RASAL2: variants seen among roughly 807,000 people sequenced by gnomAD.
RASAL2 encodes ras GTPase-activating protein nGAP.
In RASAL2, 58 loss-of-function variants were observed where a neutral mutation model predicts 128.9. The observed-to-expected ratio is 0.45, with a 90% CI of 0.36 to 0.56. The LOEUF (loss-of-function observed/expected upper bound fraction) is 0.56, where lower values mean the gene tolerates loss of function less well. RASAL2 is among the 20% of genes least tolerant of loss of function. The pLI is 0.00. For synonymous variants in RASAL2, 561 were observed against 580.8 expected, an observed-to-expected ratio of 0.97 and a Z score of 0.49; for missense variants, 1,360 against 1,601.6, an observed-to-expected ratio of 0.85 and a Z score of 2.57.
chr1:178,161,254 C>T (rs1571564351), intron 1 of RASAL2, among the ~76,000 whole-genome samples: 1 of 152,186 alleles, frequency 6.6e-6, no homozygotes, highest in East Asian at 1.9e-4. Flanking sequence ...TGAAGGGAAA[C>T]CCCTTATGCA....
At chr1:178,371,502 A>G (rs916320637) in intron 3 of RASAL2, among the ~76,000 whole-genome samples, 7 of 152,056 alleles carry the variant, frequency 4.6e-5, no homozygotes, top group Non-Finnish European at 8.8e-5. Context: ...TGCTGTTGGC[A>G]GTCAGTTACA....
intron 4 of RASAL2, among the ~76,000 whole-genome samples, chr1:178,418,482 C>G (rs1246261731): frequency 6.6e-6 from 1 of 152,110 alleles, no homozygotes; most frequent in African/African-American, 2.4e-5. Context: ...GAAAAACAGC[C>G]TAGGGTATTA....
intron 4 of RASAL2, among the ~76,000 whole-genome samples, chr1:178,400,142 A>G (rs554957464): frequency 6.6e-6 from 1 of 152,314 alleles, no homozygotes; most frequent in East Asian, 1.9e-4. Context: ...GTGTTACAGG[A>G]TGATAAAACC....
chr1:178,390,208 T>C lies in RASAL2; in HGVS notation c.564+2T>C. On this transcript the variant is annotated splice_donor_variant, in intron 4 of 17. Transcript: ENST00000367649. LOFTEE classifies it high-confidence loss of function. Reference sequence around the variant, plus strand: ...AATACCTCACCCTTCAAAGTACCAGTAAGTGTTTATCTTCTTTATAAGAAT... The same window carrying C: ...AATACCTCACCCTTCAAAGTACCAGCAAGTGTTTATCTTCTTTATAAGAAT... 1 of 1,588,840 alleles carries C rather than the reference T, an allele frequency of 6.3e-7. No individual in the cohort carries two copies. Among genetic ancestry groups the C allele is most frequent in the Non-Finnish European group, 8.6e-7 (1 of 1,159,656 alleles).
chr1:178,353,920 A>C (rs1219025021), intron 3 of RASAL2, among the ~76,000 whole-genome samples: 3 of 152,194 alleles, frequency 2.0e-5, no homozygotes, highest in Non-Finnish European at 4.4e-5. Context: ...AGGGTGAGCC[A>C]AGATTGTGCC....
At chr1:178,190,993 A>G (rs931235946) in intron 1 of RASAL2, among the ~76,000 whole-genome samples, 3 of 152,212 alleles carry the variant, frequency 2.0e-5, no homozygotes, top group Non-Finnish European at 2.9e-5. Flanking sequence ...ATAGTATTCT[A>G]TCACCATCTA....
chr1:178,191,290 A>C (rs571226754), intron 1 of RASAL2, among the ~76,000 whole-genome samples: 2 of 152,254 alleles, frequency 1.3e-5, no homozygotes, highest in South Asian at 4.1e-4. Flanking sequence ...GCTTTTAAAA[A>C]ATTTCAGTAT....
intron 1 of RASAL2, among the ~76,000 whole-genome samples, chr1:178,205,972 T>G (rs1206294985): frequency 2.6e-5 from 4 of 152,282 alleles, no homozygotes; most frequent in African/African-American, 9.6e-5. Flanking sequence ...CGGACCATCC[T>G]CTCCTTGAAA....
intron 1 of RASAL2, among the ~76,000 whole-genome samples, chr1:178,136,675 T>G (rs1389911483): frequency 5.4e-5 from 8 of 146,948 alleles, no homozygotes; most frequent in African/African-American, 2.0e-4. Context: ...GATGATTCCT[T>G]GAACCTGTTG....
intron 1 of RASAL2, among the ~76,000 whole-genome samples, chr1:178,182,087 G>A (rs1662133667): frequency 6.6e-6 from 1 of 152,048 alleles, no homozygotes; most frequent in African/African-American, 2.4e-5. Context: ...AAATTGTTCT[G>A]CACAGATTTG....
At chr1:178,183,082 TGCTAACAG>T (rs1662170645) in intron 1 of RASAL2, among the ~76,000 whole-genome samples, 1 of 152,156 alleles carries the variant, frequency 6.6e-6, no homozygotes, top group Non-Finnish European at 1.5e-5. Context: ...GTGGCCCACT[TGCTAACAG>T]GCCCTAACAG....
chr1:178,425,951 A>G (rs902758005), intron 5 of RASAL2, among the ~76,000 whole-genome samples: 7 of 152,174 alleles, frequency 4.6e-5, no homozygotes, highest in African/African-American at 1.7e-4. Flanking sequence ...GTCTCTGCAT[A>G]GGAAGTTGAT....
intron 1 of RASAL2, among the ~76,000 whole-genome samples, chr1:178,178,160 A>T (rs1661957398): frequency 6.6e-6 from 1 of 152,176 alleles, no homozygotes; most frequent in South Asian, 2.1e-4. Context: ...AAAAAAATTC[A>T]ATAGGAATAA....
At chr1:178,451,813 A>G in intron 10 of RASAL2, 98 bp downstream of exon 10, 2 of 1,410,190 alleles carry the variant, frequency 1.4e-6, no homozygotes, top group Non-Finnish European at 1.9e-6. Context: ...AATGTTAACA[A>G]TTATTTTACA....
chr1:178,272,756 T>G (rs1222664558), intron 1 of RASAL2, among the ~76,000 whole-genome samples: 1 of 152,044 alleles, frequency 6.6e-6, no homozygotes, highest in Non-Finnish European at 1.5e-5. Context: ...GGTTAAACCC[T>G]GTCTCTACTA....
intron 1 of RASAL2, among the ~76,000 whole-genome samples, chr1:178,261,828 A>T (rs1465694946): frequency 1.3e-5 from 2 of 151,604 alleles, no homozygotes; most frequent in Non-Finnish European, 2.9e-5. Flanking sequence ...GAGGCAGAGA[A>T]TTGCTTGAAC....
chr1:178,394,376 T>C (rs951948602), intron 4 of RASAL2, among the ~76,000 whole-genome samples: 3 of 152,216 alleles, frequency 2.0e-5, no homozygotes, highest in African/African-American at 7.2e-5. Flanking sequence ...TCCAGGTACA[T>C]ACTTAAGTTT....
chr1:178,136,070 A>C (rs1660315477), intron 1 of RASAL2, among the ~76,000 whole-genome samples: 1 of 152,240 alleles, frequency 6.6e-6, no homozygotes, highest in African/African-American at 2.4e-5. Flanking sequence ...TTGTTTTTTA[A>C]ATCTAGCATG....
intron 2 of RASAL2, among the ~76,000 whole-genome samples, chr1:178,293,322 C>T (rs1487678123): frequency 2.6e-5 from 4 of 152,178 alleles, no homozygotes; most frequent in African/African-American, 9.7e-5. Context: ...TAAGATGCCA[C>T]TGGCAATGGG....
Sources: allele counts gnomAD v4.1 joint callset (sites outside exome capture counted in the v4.1 genomes callset), GRCh38; gene constraint gnomAD v4.1.1; transcripts MANE v1.5; gene names NCBI Gene and HGNC (gene_info 2026-07-23, HGNC 2026-07-21).